GPC6: variants seen among roughly 807,000 people sequenced by gnomAD.
GPC6 encodes the protein glypican-6.
In GPC6, 14 loss-of-function variants were observed where a neutral mutation model predicts 55.2. The observed-to-expected ratio is 0.25, with a 90% CI of 0.17 to 0.40. GPC6 has a LOEUF of 0.40. Ranked by LOEUF, GPC6 falls within the 10% of genes least tolerant of loss-of-function variation. The pLI is 1.00. For synonymous variants in GPC6, 278 were observed against 259.6 expected, an observed-to-expected ratio of 1.07 and a Z score of -0.68; for missense variants, 641 against 708.5, an observed-to-expected ratio of 0.90 and a Z score of 1.08.
At chr13:94,322,871 G>C (rs1373137891) in intron 6 of GPC6, among the ~76,000 whole-genome samples, 1 of 151,870 alleles carries the variant, frequency 6.6e-6, no homozygotes, top group East Asian at 1.9e-4. Context: ...CCACCCAGAA[G>C]TCTGCCCAGG....
chr13:93,319,039 G>A (rs575572853), intron 1 of GPC6, among the ~76,000 whole-genome samples: 1 of 152,182 alleles, frequency 6.6e-6, no homozygotes, highest in East Asian at 1.9e-4. Context: ...TACACAGTGA[G>A]ATATCCCATC....
At chr13:93,428,940 T>C (rs1594163375) in intron 1 of GPC6, among the ~76,000 whole-genome samples, 1 of 152,274 alleles carries the variant, frequency 6.6e-6, no homozygotes, top group East Asian at 1.9e-4. Flanking sequence ...ATCACACTAT[T>C]GGTTGCTGGT....
At chr13:93,715,502 G>T (rs934575722) in intron 2 of GPC6, among the ~76,000 whole-genome samples, 1 of 151,424 alleles carries the variant, frequency 6.6e-6, no homozygotes, top group Non-Finnish European at 1.5e-5. Context: ...CGGTGGAAAA[G>T]CTAATGACTG....
chr13:93,558,756 T>C (rs1875606001), intron 2 of GPC6, among the ~76,000 whole-genome samples: 1 of 152,190 alleles, frequency 6.6e-6, no homozygotes, highest in South Asian at 2.1e-4. Context: ...TAAATCCCTG[T>C]TGAACAACGA....
At chr13:93,974,382 G>T (rs1453268538) in intron 3 of GPC6, among the ~76,000 whole-genome samples, 3 of 152,142 alleles carry the variant, frequency 2.0e-5, no homozygotes, top group Admixed American at 1.3e-4. Flanking sequence ...CAGAAATGAT[G>T]ATTTTTAAGG....
intron 3 of GPC6, among the ~76,000 whole-genome samples, chr13:93,944,056 A>G (rs558078738): frequency 2.8e-4 from 42 of 152,300 alleles, no homozygotes; most frequent in Admixed American, 1.2e-3. Context: ...CTTCTTCTCC[A>G]ATAGCCAGGC....
intron 2 of GPC6, among the ~76,000 whole-genome samples, chr13:93,732,548 C>A (rs965402173): frequency 9.2e-5 from 14 of 152,246 alleles, no homozygotes; most frequent in African/African-American, 3.4e-4. Flanking sequence ...TTGGAGCAAT[C>A]AAACCAGTTA....
chr13:93,689,169 TC>T (rs1037037059), intron 2 of GPC6, among the ~76,000 whole-genome samples: 16 of 152,212 alleles, frequency 1.1e-4, no homozygotes, highest in African/African-American at 3.8e-4. Flanking sequence ...TACTCAGGTT[TC>T]TATTTAATAG....
intron 1 of GPC6, among the ~76,000 whole-genome samples, chr13:93,236,353 A>G (rs1436827131): frequency 1.3e-5 from 2 of 152,056 alleles, no homozygotes; most frequent in South Asian, 2.1e-4. Context: ...CATTGAACCC[A>G]AGAGCAAATT....
intron 4 of GPC6, among the ~76,000 whole-genome samples, chr13:94,265,590 C>T (rs1314776104): frequency 6.6e-6 from 1 of 152,130 alleles, no homozygotes; most frequent in African/African-American, 2.4e-5. Flanking sequence ...ATCCTTCAAC[C>T]CAATCAAATT....
intron 2 of GPC6, among the ~76,000 whole-genome samples, chr13:93,809,504 A>T (rs1264092094): frequency 6.6e-6 from 1 of 152,188 alleles, no homozygotes; most frequent in African/African-American, 2.4e-5. Flanking sequence ...TTCATAAGCA[A>T]GACACCCTTC....
chr13:94,282,792 A>T (rs952122635), intron 4 of GPC6, among the ~76,000 whole-genome samples: 7 of 152,248 alleles, frequency 4.6e-5, no homozygotes, highest in African/African-American at 1.7e-4. Flanking sequence ...TGTAAGAGAC[A>T]GAAAGTGGTC....
At chr13:94,365,791 C>T (rs1185617433) in intron 6 of GPC6, among the ~76,000 whole-genome samples, 1 of 152,170 alleles carries the variant, frequency 6.6e-6, no homozygotes, top group Non-Finnish European at 1.5e-5. Flanking sequence ...TGACACCACT[C>T]TTGGGTGAGC....
intron 3 of GPC6, among the ~76,000 whole-genome samples, chr13:93,863,277 C>A (rs1266827949): frequency 1.3e-5 from 2 of 151,536 alleles, no homozygotes; most frequent in African/African-American, 4.8e-5. Context: ...TTCATATGAG[C>A]CATGGTTTCT....
chr13:93,958,440 T>TG (rs1879611423), intron 3 of GPC6, among the ~76,000 whole-genome samples: 7 of 152,200 alleles, frequency 4.6e-5, no homozygotes, highest in African/African-American at 1.7e-4. Context: ...CAGAACCATC[T>TG]ATTGAGTAGG....
At chr13:93,763,175 T>G (rs1310101262) in intron 2 of GPC6, among the ~76,000 whole-genome samples, 2 of 152,222 alleles carry the variant, frequency 1.3e-5, no homozygotes, top group African/African-American at 4.8e-5. Context: ...TGATTACTTC[T>G]GTAATTTACC....
At chr13:94,392,153 T>C (rs1025866381) in intron 7 of GPC6, among the ~76,000 whole-genome samples, 1 of 152,150 alleles carries the variant, frequency 6.6e-6, no homozygotes, top group Non-Finnish European at 1.5e-5. Flanking sequence ...CCCAAAGATA[T>C]CTGTATACTT....
intron 6 of GPC6, among the ~76,000 whole-genome samples, chr13:94,371,323 C>G (rs538393539): frequency 2.6e-5 from 4 of 152,058 alleles, no homozygotes; most frequent in Non-Finnish European, 5.9e-5. Context: ...TTGCACACCC[C>G]CAGAGATGCA....
chr13:93,234,802 C>T (rs1876178752), intron 1 of GPC6, among the ~76,000 whole-genome samples: 1 of 152,010 alleles, frequency 6.6e-6, no homozygotes, highest in African/African-American at 2.4e-5. Flanking sequence ...AATACTTTAG[C>T]ATAGTTTTTG....
Sources: gnomAD v4.1 joint callset for allele counts (sites outside exome capture counted in the v4.1 genomes callset) on GRCh38, gnomAD v4.1.1 for gene constraint, MANE v1.5 for transcripts, NCBI Gene and HGNC (gene_info 2026-07-23, HGNC 2026-07-21) for gene names.